Variants in PIP5K1B observed in about 807,000 individuals in gnomAD.
The protein encoded by PIP5K1B is phosphatidylinositol 4-phosphate 5-kinase type-1 beta.
PIP5K1B carries 42 observed loss-of-function variants against 67.0 expected under a neutral mutation model. That is an observed-to-expected ratio of 0.63 (90% confidence interval 0.49 to 0.81). The LOEUF (loss-of-function observed/expected upper bound fraction) is 0.81, where lower values mean the gene tolerates loss of function less well. PIP5K1B is among the 30% of genes least tolerant of loss of function. The pLI, the probability that PIP5K1B is intolerant of heterozygous loss-of-function variation, is 0.00. For missense variants in PIP5K1B, 459 were observed against 646.3 expected (o/e 0.71, Z 3.14); for synonymous variants, 214 against 231.4 (o/e 0.92, Z 0.68).
At chr9:68,768,972 A>C (rs945573) in intron 2 of PIP5K1B, among the ~76,000 whole-genome samples, 1 of 152,062 alleles carries the variant, frequency 6.6e-6, no homozygotes, top group Non-Finnish European at 1.5e-5. Context: ...AGTACTTTTA[A>C]AAATTAGCTA....
At chr9:68,857,442 G>A (rs1439732889) in intron 4 of PIP5K1B, among the ~76,000 whole-genome samples, 1 of 152,136 alleles carries the variant, frequency 6.6e-6, no homozygotes, top group African/African-American at 2.4e-5. Context: ...AGTTCTCTCA[G>A]TGGGAATCTA....
At chr9:68,741,360 T>A (rs1327251907) in intron 1 of PIP5K1B, among the ~76,000 whole-genome samples, 1 of 152,210 alleles carries the variant, frequency 6.6e-6, no homozygotes, top group Admixed American at 6.5e-5. Context: ...AAGGCAATGT[T>A]ATGCACTCTC....
chr9:68,936,998 T>C (rs1827295551), intron 13 of PIP5K1B, among the ~76,000 whole-genome samples: 1 of 152,252 alleles, frequency 6.6e-6, no homozygotes, highest in African/African-American at 2.4e-5. Flanking sequence ...GATGTGCCGC[T>C]AGATTCGGTT....
At chr9:68,833,443 G>T (rs1446742774) in intron 4 of PIP5K1B, among the ~76,000 whole-genome samples, 1 of 152,242 alleles carries the variant, frequency 6.6e-6, no homozygotes, top group African/African-American at 2.4e-5. Flanking sequence ...GGGAAGAGTG[G>T]CCGAGTAGCG....
At chr9:68,766,492 C>T (rs1220478845) in intron 2 of PIP5K1B, among the ~76,000 whole-genome samples, 1 of 152,064 alleles carries the variant, frequency 6.6e-6, no homozygotes, top group Non-Finnish European at 1.5e-5. Flanking sequence ...AATAGCCATA[C>T]TTCACAGCCA....
chr9:68,877,865 T>C (rs2132323530), intron 6 of PIP5K1B, among the ~76,000 whole-genome samples: 1 of 152,312 alleles, frequency 6.6e-6, no homozygotes, highest in Admixed American at 6.5e-5. Flanking sequence ...CTCCAAAGAA[T>C]GGTGAGCGCA....
At chr9:68,816,168 G>A (rs1036625153) in intron 2 of PIP5K1B, among the ~76,000 whole-genome samples, 3 of 151,944 alleles carry the variant, frequency 2.0e-5, no homozygotes, top group African/African-American at 4.8e-5. Context: ...CATTCTTGTC[G>A]TCCAGGCTGG....
chr9:68,721,271 A>G (rs935169348), intron 1 of PIP5K1B, among the ~76,000 whole-genome samples: 2 of 152,210 alleles, frequency 1.3e-5, no homozygotes, highest in Non-Finnish European at 2.9e-5. Flanking sequence ...TAGAAGGGTA[A>G]GAGACTGGAG....
intron 4 of PIP5K1B, among the ~76,000 whole-genome samples, chr9:68,826,500 C>T (rs998288453): frequency 2.0e-5 from 3 of 152,162 alleles, no homozygotes; most frequent in African/African-American, 4.8e-5. Context: ...TTTAAAAATA[C>T]ACTCTGGGCA....
At chr9:68,732,243 A>G (rs1263129012) in intron 1 of PIP5K1B, among the ~76,000 whole-genome samples, 1 of 152,210 alleles carries the variant, frequency 6.6e-6, no homozygotes, top group Non-Finnish European at 1.5e-5. Context: ...GTTGGATTGT[A>G]AATTGCTTGC....
chr9:68,756,792 C>T (rs1156269468), intron 2 of PIP5K1B, among the ~76,000 whole-genome samples: 4 of 152,070 alleles, frequency 2.6e-5, no homozygotes, highest in Non-Finnish European at 5.9e-5. Flanking sequence ...TAATGAGAGG[C>T]ACATATGTAA....
At chr9:68,837,193 G>A (rs1454653293) in intron 4 of PIP5K1B, among the ~76,000 whole-genome samples, 1 of 152,180 alleles carries the variant, frequency 6.6e-6, no homozygotes, top group African/African-American at 2.4e-5. Flanking sequence ...GTGTTAGGCA[G>A]GGATACAGCA....
intron 4 of PIP5K1B, among the ~76,000 whole-genome samples, chr9:68,847,206 C>T (rs887060031): frequency 6.6e-6 from 1 of 151,724 alleles, no homozygotes; most frequent in Non-Finnish European, 1.5e-5. Context: ...TAAATACATT[C>T]TTCTTTTTAA....
chr9:68,925,475 C>G (rs1165650309), intron 12 of PIP5K1B, among the ~76,000 whole-genome samples: 1 of 152,120 alleles, frequency 6.6e-6, no homozygotes, highest in African/African-American at 2.4e-5. Context: ...AGGTTCAACC[C>G]TTATTCATGT....
intron 4 of PIP5K1B, among the ~76,000 whole-genome samples, chr9:68,861,169 A>G (rs1247288829): frequency 6.6e-6 from 1 of 152,246 alleles, no homozygotes; most frequent in Non-Finnish European, 1.5e-5. Flanking sequence ...ATGCTCTGAA[A>G]GGAAAGTAAT....
intron 2 of PIP5K1B, among the ~76,000 whole-genome samples, chr9:68,759,540 G>T (rs1305134066): frequency 6.6e-6 from 1 of 151,950 alleles, no homozygotes; most frequent in African/African-American, 2.4e-5. Flanking sequence ...ATGAAAAACG[G>T]AAGAAACAAA....
At chr9:68,988,557 C>A (rs570091272) in intron 14 of PIP5K1B, among the ~76,000 whole-genome samples, 11 of 144,914 alleles carry the variant, frequency 7.6e-5, no homozygotes, top group Admixed American at 2.2e-4. Context: ...TCAAATGATT[C>A]TCCTGCCTCA....
intron 6 of PIP5K1B, among the ~76,000 whole-genome samples, chr9:68,882,068 A>G (rs1001902134): frequency 6.6e-6 from 1 of 152,234 alleles, no homozygotes; most frequent in African/African-American, 2.4e-5. Context: ...TCTCCAGTGA[A>G]TATAGCAGGG....
rs544130156 is a variant in PIP5K1B, at chr9:68,941,770, G to A, written c.1502+980G>A. Among the ~76,000 whole-genome samples the A allele has an allele frequency of 3.9e-5, 6 of 152,254 alleles. No homozygotes were observed. In the South Asian group the frequency reaches 1.2e-3, roughly 32 times the overall value. On this transcript the variant is annotated intron_variant, in intron 14 of 15. Coordinates refer to ENST00000265382, the MANE Select transcript of PIP5K1B (RefSeq NM_003558.4). The stretch of plus-strand genomic sequence containing the variant: ...ATTTCCAGGAAGAGGAATCAATAAG[G>A]TAGATTTATTTTTAATATATGGATA...
Sources: gnomAD v4.1 joint callset for allele counts (sites outside exome capture counted in the v4.1 genomes callset) on GRCh38, gnomAD v4.1.1 for gene constraint, MANE v1.5 for transcripts, NCBI Gene and HGNC (gene_info 2026-07-23, HGNC 2026-07-21) for gene names.